The following RAG1 variants were observed in gnomAD, a reference collection of about 807,000 sequenced individuals.
RAG1 encodes the protein V(D)J recombination-activating protein 1.
RAG1 carries 35 observed loss-of-function variants against 62.7 expected under a neutral mutation model. The ratio of observed to expected loss-of-function variants is 0.56; its 90% confidence interval spans 0.43 to 0.74. The LOEUF is 0.74. Ranked by LOEUF, RAG1 falls within the 30% of genes least tolerant of loss-of-function variation. The pLI, the probability that RAG1 is intolerant of heterozygous loss-of-function variation, is 0.00. For synonymous variants in RAG1, 461 were observed against 470.3 expected (o/e 0.98, Z 0.26); for missense variants, 1,169 against 1,278.6 (o/e 0.91, Z 1.31).
At chr11:36,516,364 C>T (rs1050684730) in intron 1 of RAG1, among the ~76,000 whole-genome samples, 1 of 152,266 alleles carries the variant, frequency 6.6e-6, no homozygotes, top group Non-Finnish European at 1.5e-5. Context: ...CTCTGTCGCC[C>T]AGGCTGGAGT....
intron 1 of RAG1, among the ~76,000 whole-genome samples, chr11:36,515,171 A>C (rs1283117768): frequency 6.6e-6 from 1 of 152,210 alleles, no homozygotes; most frequent in Non-Finnish European, 1.5e-5. Flanking sequence ...ATCTGGACAA[A>C]AACACCTGAG....
At chr11:36,529,074 C>G (rs138745657) in intron 2 of RAG1, among the ~76,000 whole-genome samples, 17,114 of 152,174 alleles carry the variant, frequency 0.11, 1,062 homozygotes, top group South Asian at 0.15. Flanking sequence ...CATAGAGGAG[C>G]TGGTACCATT....
chr11:36,540,162 A>T (rs1005300784), downstream of RAG1, among the ~76,000 whole-genome samples: 5 of 152,152 alleles, frequency 3.3e-5, no homozygotes, highest in Non-Finnish European at 7.4e-5. Flanking sequence ...CGGGGGGAGA[A>T]GCAGTCAGAA....
At position 36,542,181 on chromosome 11, in the gene RAG1, T is replaced by C. The variant is rs116440697; in HGVS notation, c.-412+6147T>C. On this transcript the variant is annotated intron_variant and NMD_transcript_variant, in intron 3 of 9. Transcript: ENST00000534663. ...CCTCTCTTTATTAGAGAGCATTCTC[T>C]CTCCTACATTGTATTTCTTCTACTA... Among the ~76,000 whole-genome samples the C allele has an allele frequency of 8.7e-3, 1,330 of 152,278 alleles. 11 individuals are homozygous for C. Among genetic ancestry groups the C allele is most frequent in the African/African-American group, 0.03 (1,249 of 41,536 alleles).
chr11:36,515,735 T>C (rs1201033278), intron 1 of RAG1, among the ~76,000 whole-genome samples: 1 of 152,118 alleles, frequency 6.6e-6, no homozygotes, highest in Non-Finnish European at 1.5e-5. Flanking sequence ...TACACAGTAA[T>C]GGCAGGCTTT....
At chr11:36,534,835 T>C (rs186687016) in intron 2 of RAG1, among the ~76,000 whole-genome samples, 32 of 152,360 alleles carry the variant, frequency 2.1e-4, no homozygotes, top group Non-Finnish European at 3.4e-4. Context: ...TAAAAACTTA[T>C]ACATTTAGGT....
chr11:36,535,931 G>A (rs1860319685), intron 2 of RAG1: 1 of 152,066 alleles, frequency 6.6e-6, no homozygotes, highest in Non-Finnish European at 1.5e-5. Context: ...TGTGGATTAT[G>A]TATAATTTAG....
At chr11:36,568,707 G>A (rs1413218037) in intron 1 of RAG1, among the ~76,000 whole-genome samples, 1 of 152,170 alleles carries the variant, frequency 6.6e-6, no homozygotes, top group African/African-American at 2.4e-5. Context: ...TCATGATTCT[G>A]ATTTGTATTA....
intron 2 of RAG1, among the ~76,000 whole-genome samples, chr11:36,525,438 G>A (rs1860145621): frequency 1.3e-5 from 2 of 152,068 alleles, no homozygotes; most frequent in Admixed American, 6.5e-5. Context: ...ATTCTTGCCA[G>A]TATTTTGGTA....
intron 1 of RAG1, among the ~76,000 whole-genome samples, chr11:36,570,040 A>G (rs1313128524): frequency 1.3e-5 from 2 of 152,184 alleles, no homozygotes; most frequent in Admixed American, 1.3e-4. Context: ...TAGTTTATTT[A>G]ATAATAATGC....
intron 3 of RAG1, among the ~76,000 whole-genome samples, chr11:36,545,185 C>T (rs1438975324): frequency 6.6e-6 from 1 of 152,004 alleles, no homozygotes; most frequent in African/African-American, 2.4e-5. Context: ...TCTGAATATT[C>T]TTGGGATAAA....
chr11:36,523,794 A>G (rs182148201), intron 2 of RAG1, among the ~76,000 whole-genome samples: 15 of 152,326 alleles, frequency 9.8e-5, no homozygotes, highest in Admixed American at 8.5e-4. Flanking sequence ...ATGCAATTAT[A>G]AGATATAAGA....
chr11:36,522,190 C>A (rs751453135), intron 2 of RAG1, among the ~76,000 whole-genome samples: 68 of 152,272 alleles, frequency 4.5e-4, no homozygotes, highest in East Asian at 2.5e-3. Context: ...ATGTCAGAGG[C>A]CTTCGCAGCA....
upstream of RAG1, among the ~76,000 whole-genome samples, chr11:36,565,026 A>C (rs1017735843): frequency 2.0e-5 from 3 of 152,342 alleles, no homozygotes; most frequent in African/African-American, 7.2e-5. Context: ...TTTGCCCTTC[A>C]GGAATAAATA....
At chr11:36,520,470 G>T (rs1364468221) in intron 2 of RAG1, among the ~76,000 whole-genome samples, 7 of 152,090 alleles carry the variant, frequency 4.6e-5, no homozygotes, top group Non-Finnish European at 1.0e-4. Flanking sequence ...AAGAGACGGG[G>T]TTTCCCCATG....
intron 1 of RAG1, among the ~76,000 whole-genome samples, chr11:36,513,827 A>G (rs1859958962): frequency 6.6e-6 from 1 of 152,204 alleles, no homozygotes; most frequent in South Asian, 2.1e-4. Context: ...CTACTACAAG[A>G]ACAGTATGGG....
chr11:36,516,333 T>G (rs1387515868), intron 1 of RAG1, among the ~76,000 whole-genome samples: 1 of 152,226 alleles, frequency 6.6e-6, no homozygotes, highest in East Asian at 1.9e-4. Context: ...GGTTTGTTTG[T>G]TTTTTTGAGA....
chr11:36,512,238 T>C (rs1859936381), intron 1 of RAG1, among the ~76,000 whole-genome samples: 1 of 152,226 alleles, frequency 6.6e-6, no homozygotes, highest in African/African-American at 2.4e-5. Context: ...TCAAAGCGTT[T>C]TATTTTCATT....
chr11:36,579,520 C>T lies in RAG1; in HGVS notation c.*3084C>T, dbSNP rs1247226431. The stretch of plus-strand genomic sequence containing the variant: ...GTTTATTTTCTTACAAATAACCTTA[C>T]ATTTTGTTTAATGGCTTCCAAGAGC... On this transcript the variant is annotated 3_prime_UTR_variant, in exon 2 of 2. Transcript: ENST00000299440. 1.2e-5 allele frequency: 2 copies of T among 162,986 alleles called. No individual in the cohort carries two copies. The highest frequency in any genetic ancestry group is 3.0e-5 in the Non-Finnish European group (2 of 67,448). The allele number at this position is 162,986 out of a possible 1,614,324, so 10.1% of individuals were successfully genotyped here.
Sources: allele counts gnomAD v4.1 joint callset (sites outside exome capture counted in the v4.1 genomes callset), GRCh38; gene constraint gnomAD v4.1.1; transcripts MANE v1.5; gene names NCBI Gene and HGNC (gene_info 2026-07-23, HGNC 2026-07-21).